The following SPTB variants were observed in gnomAD, a reference collection of about 807,000 sequenced individuals.
SPTB encodes the protein spectrin beta chain, erythrocytic.
Under a neutral mutation model 256.2 loss-of-function variants are expected in SPTB, and 45 were observed. That is an observed-to-expected ratio of 0.18 (90% CI 0.14 to 0.23). The LOEUF is 0.23. Ranked by LOEUF, SPTB falls within the 10% of genes least tolerant of loss-of-function variation. SPTB has a pLI of 1.00. For missense variants in SPTB, 2,715 were observed against 3,040.4 expected, an observed-to-expected ratio of 0.89 and a Z score of 2.52; for synonymous variants, 1,231 against 1,243.1, an observed-to-expected ratio of 0.99 and a Z score of 0.21.
Position 64,796,834 on chromosome 14 carries a change from T to C in SPTB, c.1183-119A>G. 4 of 1,316,154 alleles carry C rather than the reference T, an allele frequency of 3.0e-6. No individual in the cohort carries two copies. Among genetic ancestry groups the C allele is most frequent in the African/African-American group, 2.9e-5 (2 of 68,684 alleles). 81.5% of individuals were successfully genotyped at this position (1,316,154 alleles called of 1,614,324 possible). On this transcript the variant is annotated intron_variant, in intron 10 of 35. Coordinates refer to ENST00000644917, the MANE Select transcript of SPTB (RefSeq NM_001355436.2). The surrounding 1 kb of genome is among the most constrained non-coding windows in gnomAD (Gnocchi z 4.1). ...GGAATCAAGGTACAGCCTGATGCTCTTGGGTGACGTGGTAGCAGATTAAAG... is the reference window on the plus strand; with the variant it reads ...GGAATCAAGGTACAGCCTGATGCTCCTGGGTGACGTGGTAGCAGATTAAAG...
At chr14:64,871,483 T>C (rs559275775) in intron 1 of SPTB, among the ~76,000 whole-genome samples, 4 of 152,326 alleles carry the variant, frequency 2.6e-5, no homozygotes, top group South Asian at 2.1e-4. Flanking sequence ...GGGTGTTATA[T>C]GATGAACACA....
At position 64,795,477 on chromosome 14, in the gene SPTB, G is replaced by A. The variant is rs755636829; in HGVS notation, c.1504C>T (p.Arg502Cys). 2.2e-5 allele frequency: 36 copies of A among 1,614,040 alleles called. No individual in the cohort carries two copies. The highest frequency in any genetic ancestry group is 5.3e-5 in the African/African-American group (4 of 74,922). Residue 502 changes from arginine (R) to cysteine (C), a missense_variant, in exon 12 of 36, where the codon CGC becomes TGC. By Grantham distance (180) the Arg-to-Cys change is radical. Transcript: ENST00000644917. The surrounding 1 kb of genome is among the most constrained non-coding windows in gnomAD (Gnocchi z 6.5). ...NYHDQKRITARKDNILRLWSY... is the reference protein window; with the variant it reads ...NYHDQKRITACKDNILRLWSY... ...CATAGGCGCAGTATATTGTCCTTGC[G>A]GGCCGTGATGCGCTTCTGGTCATGG...
chr14:64,864,954 T>C (rs577271965), intron 1 of SPTB, among the ~76,000 whole-genome samples: 1 of 152,246 alleles, frequency 6.6e-6, no homozygotes, highest in East Asian at 1.9e-4. Flanking sequence ...CCTCTGGATC[T>C]CCTTTATTGG....
chr14:64,753,945 C>G (rs2081987443), intron 32 of SPTB, 152 bp from the exon 33 acceptor site: 1 of 975,474 alleles, frequency 1.0e-6, no homozygotes, highest in African/African-American at 1.6e-5. Flanking sequence ...CCTGGCTCTC[C>G]CACAACCTGC....
intron 1 of SPTB, among the ~76,000 whole-genome samples, chr14:64,863,687 T>G (rs745555234): frequency 3.9e-5 from 6 of 152,240 alleles, no homozygotes; most frequent in Non-Finnish European, 5.9e-5. Flanking sequence ...TAGTAGATTC[T>G]AGGTCTTAAC....
chr14:64,767,484 T>C, intron 30 of SPTB, 132 bp from the exon 31 acceptor site: 16 of 1,427,958 alleles, frequency 1.1e-5, no homozygotes, highest in Non-Finnish European at 1.6e-5. Context: ...CAGCCCCTTC[T>C]GTCCTTTGCA....
chr14:64,771,535 G>A (rs2082277675), intron 26 of SPTB, among the ~76,000 whole-genome samples: 2 of 152,184 alleles, frequency 1.3e-5, no homozygotes, highest in South Asian at 4.1e-4. Context: ...AGGAAGCTAA[G>A]TAACTGGTCC....
At chr14:64,838,561 T>A (rs2083559678) in intron 1 of SPTB, among the ~76,000 whole-genome samples, 1 of 152,058 alleles carries the variant, frequency 6.6e-6, no homozygotes, top group African/African-American at 2.4e-5. Flanking sequence ...AATCTCAATT[T>A]AAAATGAGCA....
At position 64,786,397 on chromosome 14, in the gene SPTB, T is replaced by C. The variant is rs1350621918; in HGVS notation, c.3561+7A>G. The C allele has an allele frequency of 6.2e-7, 1 of 1,613,958 alleles. No individual in the cohort carries two copies. The highest frequency in any genetic ancestry group is 1.7e-5 in the Admixed American group (1 of 60,006). ...CCCGCCTGTCCCAGCCCTGAATGCC[T>C]CTCTACCTGGTTGCTGAGGATGGCT... is the stretch of plus-strand genomic sequence containing the variant. On this transcript the variant is annotated splice_region_variant and intron_variant, in intron 16 of 35. Transcript: ENST00000644917. The surrounding 1 kb of genome is among the most constrained non-coding windows in gnomAD (Gnocchi z 5.6).
Position 64,786,821 on chromosome 14 carries a change from T to A in SPTB, c.3144A>T (p.Gln1048His), listed in dbSNP as rs199994404. The A allele has an allele frequency of 3.1e-6, 5 of 1,613,936 alleles. No individual in the cohort carries two copies. The highest frequency in any genetic ancestry group is 3.3e-5 in the Admixed American group (2 of 60,026). ...HLEELWQGLQ[Q>H]SLQGQEDLLG... ...GCAAGTCCTCCTGGCCCTGCAGGGA[T>A]TGCTGCAGGCCCTGCCACAGCTCCT... Residue 1048 changes from glutamine (Q) to histidine (H), a missense_variant, in exon 16 of 36, where the codon CAA (glutamine) becomes CAT (histidine). Physicochemically the swap from Gln to His is conservative, Grantham distance 24. Around this residue, in one of 4 missense-constraint regions of SPTB, gnomAD observed 2,239 missense variants for 2,384.4 expected, o/e 0.94. Coordinates refer to ENST00000644917, the MANE Select transcript of SPTB (RefSeq NM_001355436.2). The surrounding 1 kb of genome is among the most constrained non-coding windows in gnomAD (Gnocchi z 5.6).
chr14:64,800,036 C>G, intron 8 of SPTB, 102 bp from the exon 9 acceptor site: 1 of 1,397,252 alleles, frequency 7.2e-7, no homozygotes, highest in Non-Finnish European at 1.0e-6. Flanking sequence ...GGGGCTCCCA[C>G]CTCCTAAGCC....
At chr14:64,817,609 G>A (rs1004028825) in intron 2 of SPTB, among the ~76,000 whole-genome samples, 3 of 152,208 alleles carry the variant, frequency 2.0e-5, no homozygotes, top group South Asian at 2.1e-4. Context: ...GCCCGTCCAC[G>A]GGGGTGAGGC....
chr14:64,752,891 G>C (rs1215523826), intron 33 of SPTB, among the ~76,000 whole-genome samples: 3 of 152,012 alleles, frequency 2.0e-5, no homozygotes, highest in Admixed American at 2.0e-4. Context: ...GCCCCTGGGG[G>C]CCCCAGGCAG....
intron 32 of SPTB, chr14:64,756,891 T>C (rs1350541437): frequency 6.6e-6 from 1 of 152,206 alleles, no homozygotes; most frequent in South Asian, 2.1e-4. Context: ...TGAGCCAGCA[T>C]TGGCCACAAG....
Position 64,799,744 on chromosome 14 carries a change from T to A in SPTB, c.1064+3A>T, listed in dbSNP as rs745510975. On this transcript the variant is annotated splice_donor_region_variant and intron_variant, in intron 9 of 35. Transcript: ENST00000644917. ...CCACCCTCCCATGTGCCAGGGCCCT[T>A]ACTTGGGCGGCTTCTCCACGGTGCG... is the stretch of plus-strand genomic sequence containing the variant. The A allele has an allele frequency of 6.2e-7, 1 of 1,613,936 alleles. No individual in the cohort carries two copies. Among genetic ancestry groups the A allele is most frequent in the Non-Finnish European group, 8.5e-7 (1 of 1,180,014 alleles).
chr14:64,829,373 G>A (rs1245833977), intron 1 of SPTB, among the ~76,000 whole-genome samples: 1 of 152,172 alleles, frequency 6.6e-6, no homozygotes, highest in Non-Finnish European at 1.5e-5. Context: ...GAGAGACTCA[G>A]GAGATGTAAT....
intron 30 of SPTB, 119 bp downstream of exon 30, chr14:64,767,544 G>T: frequency 1.4e-6 from 2 of 1,445,198 alleles, no homozygotes; most frequent in Non-Finnish European, 1.9e-6. Flanking sequence ...CATTGTCGCT[G>T]CTGGCCAAGC....
rs374252512 is a variant in SPTB at position 64,787,128 on chromosome 14, C to T, written c.2837G>A (p.Arg946Gln). The change falls in exon 16 of 36, where the codon CGG (arginine) becomes CAG (glutamine). Residue 946 changes from arginine (R) to glutamine (Q), a missense_variant. Arg to Gln is a conservative substitution (Grantham distance 43). Transcript: ENST00000644917. ...GAGGGCTGAGTCCACAGCCTCCCGC[C>T]GCTCCGACACCAGGGTCTGAAATGC... is the stretch of plus-strand genomic sequence containing the variant. ...WQAFQTLVSE[R>Q]REAVDSALRV... 1.1e-5 allele frequency: 18 copies of T among 1,607,766 alleles called. No individual in the cohort carries two copies. The South Asian group carries it at 1.4e-4, about 13-fold the overall frequency.
intron 2 of SPTB, among the ~76,000 whole-genome samples, chr14:64,818,786 T>G (rs1594810640): frequency 6.6e-6 from 1 of 151,926 alleles, no homozygotes; most frequent in Non-Finnish European, 1.5e-5. Context: ...CTCTAGGAGA[T>G]GGGGGGAGCC....
Sources: gnomAD v4.1 joint callset for allele counts (sites outside exome capture counted in the v4.1 genomes callset) on GRCh38, gnomAD v4.1.1 for gene constraint, gnomAD v4.1.1 regional missense constraint, Gnocchi (gnomAD v3.1) non-coding constraint, MANE v1.5 for transcripts, NCBI Gene and HGNC (gene_info 2026-07-23, HGNC 2026-07-21) for gene names.